Variants in KLHL1 observed in about 807,000 individuals in gnomAD.
The protein encoded by KLHL1 is kelch-like protein 1.
KLHL1 carries 47 observed loss-of-function variants against 77.7 expected under a neutral mutation model. That is an observed-to-expected ratio of 0.60 (90% CI 0.48 to 0.77). The LOEUF is 0.77. Among genes scored for constraint, KLHL1 ranks in the 30% least tolerant of loss-of-function variants. The pLI is 0.00. For synonymous variants in KLHL1, 360 were observed against 325.2 expected (o/e 1.11, Z -1.15); for missense variants, 925 against 910.8 (o/e 1.02, Z -0.20).
chr13:69,784,920 C>T (rs1326112591), intron 7 of KLHL1, among the ~76,000 whole-genome samples: 102 of 117,338 alleles, frequency 8.7e-4, no homozygotes, highest in South Asian at 2.2e-3. Flanking sequence ...GACAGAGTCT[C>T]GCTCTGTCGC....
intron 1 of KLHL1, among the ~76,000 whole-genome samples, chr13:70,010,604 A>G (rs1200337410): frequency 1.3e-5 from 2 of 152,076 alleles, no homozygotes; most frequent in Non-Finnish European, 2.9e-5. Flanking sequence ...TATAAACAAG[A>G]GTTCAGGCTG....
intron 4 of KLHL1, among the ~76,000 whole-genome samples, chr13:69,886,443 C>T (rs1485270006): frequency 4.6e-5 from 7 of 150,876 alleles, no homozygotes; most frequent in Admixed American, 4.6e-4. Context: ...ATATTCATTT[C>T]TTCTGTGCAT....
intron 5 of KLHL1, among the ~76,000 whole-genome samples, chr13:69,849,016 T>C (rs36053652): frequency 0.018 from 2,753 of 151,716 alleles, 32 homozygotes; most frequent in Non-Finnish European, 0.027. Flanking sequence ...AAGTTAACCT[T>C]CCACCCTGTA....
chr13:69,749,346 T>C (rs1030459692), intron 7 of KLHL1, among the ~76,000 whole-genome samples: 9 of 151,996 alleles, frequency 5.9e-5, no homozygotes, highest in Non-Finnish European at 4.4e-5. Context: ...TCTAAAGTCA[T>C]TTTTCATACA....
chr13:69,843,611 T>C (rs1879348771), intron 5 of KLHL1, among the ~76,000 whole-genome samples: 2 of 151,714 alleles, frequency 1.3e-5, no homozygotes, highest in Admixed American at 1.3e-4. Context: ...AGGACTTGGG[T>C]TTAATTTCTC....
At chr13:69,881,159 GT>G (rs985491256) in intron 5 of KLHL1, among the ~76,000 whole-genome samples, 1 of 151,902 alleles carries the variant, frequency 6.6e-6, no homozygotes, top group African/African-American at 2.4e-5. Flanking sequence ...TTATTTTGCT[GT>G]TTTTTTCTCC....
chr13:69,961,751 T>C (rs1884070964), intron 2 of KLHL1, among the ~76,000 whole-genome samples: 1 of 152,018 alleles, frequency 6.6e-6, no homozygotes, highest in Admixed American at 6.6e-5. Flanking sequence ...CCTTTCACCA[T>C]GCTAACTTTC....
chr13:70,092,682 T>G (rs1403401440), intron 1 of KLHL1, among the ~76,000 whole-genome samples: 1 of 152,190 alleles, frequency 6.6e-6, no homozygotes, highest in Non-Finnish European at 1.5e-5. Context: ...GCTAAGTTAT[T>G]ACTTTCTTAA....
At chr13:69,930,287 T>C (rs1882958719) in intron 4 of KLHL1, among the ~76,000 whole-genome samples, 1 of 151,888 alleles carries the variant, frequency 6.6e-6, no homozygotes, top group African/African-American at 2.4e-5. Context: ...GGATTTCAAG[T>C]GAATTCATCA....
At chr13:70,094,772 C>T (rs1346216519) in intron 1 of KLHL1, among the ~76,000 whole-genome samples, 7 of 152,106 alleles carry the variant, frequency 4.6e-5, no homozygotes, top group African/African-American at 7.2e-5. Context: ...ATCACATCTT[C>T]CACTGCCACT....
intron 1 of KLHL1, among the ~76,000 whole-genome samples, chr13:70,101,667 G>A (rs919549938): frequency 1.3e-5 from 2 of 151,888 alleles, no homozygotes; most frequent in Admixed American, 6.6e-5. Context: ...GACCTCAGGC[G>A]ATCCACCCAC....
chr13:70,082,643 A>G (rs1211600264), intron 1 of KLHL1, among the ~76,000 whole-genome samples: 1 of 152,186 alleles, frequency 6.6e-6, no homozygotes, highest in African/African-American at 2.4e-5. Context: ...ATACAGGTAC[A>G]TGTGCAGGTT....
intron 7 of KLHL1, among the ~76,000 whole-genome samples, chr13:69,791,267 A>C (rs574697785): frequency 1.4e-4 from 21 of 152,232 alleles, no homozygotes; most frequent in African/African-American, 5.1e-4. Context: ...TAAATTTAGC[A>C]AAATAGGTAC....
chr13:69,713,559 T>C (rs893536052), intron 9 of KLHL1, among the ~76,000 whole-genome samples: 10 of 152,172 alleles, frequency 6.6e-5, no homozygotes, highest in African/African-American at 2.4e-4. Context: ...TTACATTTAT[T>C]ACTCTTTTCA....
chr13:69,836,561 T>G (rs1393986648), intron 6 of KLHL1, among the ~76,000 whole-genome samples: 2 of 152,060 alleles, frequency 1.3e-5, no homozygotes, highest in African/African-American at 2.4e-5. Context: ...ACGCTAACTC[T>G]TTGTCTCAAA....
chr13:70,108,096 T>C lies in KLHL1; in HGVS notation c.-397A>G, dbSNP rs1888122444. ...CCGAAGCTCCGGAGGCGGCTGCAGC[T>C]GGATACACCTCACTGGGATGCGCTT... is the stretch of plus-strand genomic sequence containing the variant. On this transcript the variant is annotated 5_prime_UTR_variant, in exon 1 of 11. Coordinates refer to ENST00000377844, the MANE Select transcript of KLHL1 (RefSeq NM_020866.3). The C allele has an allele frequency of 4.8e-6, 2 of 414,930 alleles. No individual in the cohort carries two copies. Among genetic ancestry groups the C allele is most frequent in the Non-Finnish European group, 8.5e-6 (2 of 235,262 alleles). The allele number at this position is 414,930 out of a possible 1,614,324, so 25.7% of individuals were successfully genotyped here.
intron 1 of KLHL1, among the ~76,000 whole-genome samples, chr13:70,045,325 G>C (rs1157737551): frequency 6.6e-6 from 1 of 151,822 alleles, no homozygotes; most frequent in African/African-American, 2.4e-5. Context: ...ACTTTTTGCT[G>C]TACAGTTTCT....
At chr13:70,030,113 G>A (rs7997093) in intron 1 of KLHL1, among the ~76,000 whole-genome samples, 91,697 of 151,328 alleles carry the variant, frequency 0.61, 29,451 homozygotes, top group East Asian at 0.8. Flanking sequence ...AGAGACCTAC[G>A]AAGAGACTTA....
intron 1 of KLHL1, among the ~76,000 whole-genome samples, chr13:70,042,402 G>GA (rs1342057010): frequency 3.9e-5 from 6 of 152,076 alleles, no homozygotes; most frequent in African/African-American, 1.4e-4. Flanking sequence ...GCTACGTTTT[G>GA]AAAACACAGT....
Sources: gnomAD v4.1 joint callset for allele counts (sites outside exome capture counted in the v4.1 genomes callset) on GRCh38, gnomAD v4.1.1 for gene constraint, MANE v1.5 for transcripts, NCBI Gene and HGNC (gene_info 2026-07-23, HGNC 2026-07-21) for gene names.